RALGAPA1: variants seen among roughly 807,000 people sequenced by gnomAD.
RALGAPA1 encodes Ral GTPase activating protein catalytic subunit alpha 1, also known as ral GTPase-activating protein subunit alpha-1.
A neutral mutation model predicts 269.6 loss-of-function variants in RALGAPA1; 52 were observed. That is an observed-to-expected ratio of 0.19 (90% CI 0.15 to 0.24). The LOEUF is 0.24. Among genes scored for constraint, RALGAPA1 ranks in the 10% least tolerant of loss-of-function variants. The probability of loss-of-function intolerance (pLI) is 1.00; values close to 1 mark genes in which losing one functional copy is unlikely to be tolerated. For synonymous variants in RALGAPA1, 817 were observed against 1,008.3 expected (o/e 0.81, Z 3.60); for missense variants, 1,917 against 3,013.9 (o/e 0.64, Z 8.52).
chr14:35,653,687 T>C (rs1390159993), intron 30 of RALGAPA1, among the ~76,000 whole-genome samples: 5 of 151,572 alleles, frequency 3.3e-5, no homozygotes, highest in African/African-American at 9.7e-5. Flanking sequence ...GTAAGAGCCA[T>C]GTAAATGTGA....
At chr14:35,711,097 ATC>A (rs1380354207) in intron 16 of RALGAPA1, among the ~76,000 whole-genome samples, 1 of 152,190 alleles carries the variant, frequency 6.6e-6, no homozygotes, top group Non-Finnish European at 1.5e-5. Flanking sequence ...TTCATTTTTA[ATC>A]TGTCTAATCT....
intron 7 of RALGAPA1, among the ~76,000 whole-genome samples, chr14:35,756,032 T>C (rs1171712345): frequency 1.3e-5 from 2 of 152,220 alleles, no homozygotes; most frequent in African/African-American, 2.4e-5. Flanking sequence ...ACATTTCTCC[T>C]AATCATTATC....
chr14:35,602,615 C>G (rs146221644), intron 36 of RALGAPA1, among the ~76,000 whole-genome samples: 1 of 152,024 alleles, frequency 6.6e-6, no homozygotes, highest in African/African-American at 2.4e-5. Context: ...TCTTTTCTGG[C>G]GAAATGTCTA....
chr14:35,712,235 T>A (rs549415199), intron 16 of RALGAPA1, among the ~76,000 whole-genome samples: 1 of 139,284 alleles, frequency 7.2e-6, no homozygotes, highest in South Asian at 2.2e-4. Context: ...TGACAGAGCA[T>A]GTCTCAAAAA....
At chr14:35,638,895 C>T (rs55768182) in intron 31 of RALGAPA1, among the ~76,000 whole-genome samples, 2,672 of 151,702 alleles carry the variant, frequency 0.018, 81 homozygotes, top group African/African-American at 0.061. Context: ...CGCTGCACTC[C>T]AGCCTGGGTG....
intron 5 of RALGAPA1, among the ~76,000 whole-genome samples, chr14:35,761,381 G>C (rs1159038979): frequency 6.6e-6 from 1 of 152,090 alleles, no homozygotes; most frequent in Non-Finnish European, 1.5e-5. Flanking sequence ...TTAGTGGTGA[G>C]AATGAGTTTG....
chr14:35,706,431 G>A (rs1277297701), intron 16 of RALGAPA1, among the ~76,000 whole-genome samples: 1 of 152,116 alleles, frequency 6.6e-6, no homozygotes, highest in Admixed American at 6.6e-5. Flanking sequence ...TGAAAGATCA[G>A]TGGACTCTAG....
chr14:35,800,611 C>A (rs993469781), intron 1 of RALGAPA1, among the ~76,000 whole-genome samples: 1 of 152,108 alleles, frequency 6.6e-6, no homozygotes, highest in South Asian at 2.1e-4. Context: ...TCACCAAATG[C>A]CTACAGTAGA....
intron 31 of RALGAPA1, among the ~76,000 whole-genome samples, chr14:35,645,346 G>GGTGGGTGTGTGTGTGTGT (rs1555387899): frequency 8.5e-5 from 11 of 129,560 alleles, no homozygotes; most frequent in South Asian, 8.3e-4. Flanking sequence ...TATAGAGATG[G>GGTGGGTGTGTGTGTGTGT]GTGTGTGTGT....
intron 4 of RALGAPA1, among the ~76,000 whole-genome samples, chr14:35,765,200 T>C (rs561922440): frequency 7.1e-4 from 108 of 152,332 alleles, no homozygotes; most frequent in South Asian, 2.7e-3. Context: ...TGTCCATCCC[T>C]ACATCAGTAA....
chr14:35,584,295 A>T (rs2058135692), intron 37 of RALGAPA1, among the ~76,000 whole-genome samples: 1 of 152,086 alleles, frequency 6.6e-6, no homozygotes, highest in South Asian at 2.1e-4. Context: ...GACAGATCTC[A>T]CTTTGTCACT....
At position 35,808,931 on chromosome 14, in the gene RALGAPA1, C is replaced by A. The variant is rs2142005527; in HGVS notation, c.-96G>T. ...GGGAGTGGACGGGGAGGAGACTAGCCAGAGAGGCTCATTAGCTCCCCAGCC... is the reference window on the plus strand; with the variant it reads ...GGGAGTGGACGGGGAGGAGACTAGCAAGAGAGGCTCATTAGCTCCCCAGCC... On this transcript the variant is annotated 5_prime_UTR_variant, in exon 1 of 42. Transcript: ENST00000680220. 6.6e-7 allele frequency: 1 copy of A among 1,508,846 alleles called. No homozygotes were observed. Among genetic ancestry groups the A allele is most frequent in the Non-Finnish European group, 8.8e-7 (1 of 1,130,246 alleles). 93.5% of individuals were successfully genotyped at this position (1,508,846 alleles called of 1,614,324 possible).
chr14:35,678,525 C>T (rs1207793245), intron 21 of RALGAPA1, among the ~76,000 whole-genome samples: 1 of 152,176 alleles, frequency 6.6e-6, no homozygotes, highest in Non-Finnish European at 1.5e-5. Flanking sequence ...TCCCAGCCTT[C>T]AGTCTCTCCC....
Position 35,654,347 on chromosome 14 carries a change from A to G in RALGAPA1, c.5607+20T>C. The G allele has an allele frequency of 6.4e-7, 1 of 1,568,880 alleles. No individual in the cohort carries two copies. Among genetic ancestry groups the G allele is most frequent in the Non-Finnish European group, 8.6e-7 (1 of 1,164,802 alleles). ...AAAAAATTTAACAAGGTCATAATAA[A>G]TAAATGAGAAATTACTTACTTGAAT... On this transcript the variant is annotated intron_variant, in intron 30 of 41. Transcript: ENST00000680220.
intron 22 of RALGAPA1, among the ~76,000 whole-genome samples, chr14:35,675,228 T>G (rs1197975302): frequency 6.6e-6 from 1 of 152,122 alleles, no homozygotes; most frequent in East Asian, 1.9e-4. Flanking sequence ...CAGGCTGGAG[T>G]GCAATGGCGT....
chr14:35,759,178 G>T (rs1259143226), intron 6 of RALGAPA1, among the ~76,000 whole-genome samples: 1 of 152,084 alleles, frequency 6.6e-6, no homozygotes, highest in Non-Finnish European at 1.5e-5. Flanking sequence ...ATTTGAACTG[G>T]TTCATTAATA....
At chr14:35,587,352 A>C (rs2058362692) in intron 37 of RALGAPA1, among the ~76,000 whole-genome samples, 2 of 152,204 alleles carry the variant, frequency 1.3e-5, no homozygotes, top group Admixed American at 1.3e-4. Context: ...CATTTGACCC[A>C]GCCATCCCAT....
Position 35,775,037 on chromosome 14 carries a change from T to C in RALGAPA1, c.236A>G (p.Glu79Gly). Residue 79 changes from glutamate to glycine, a missense_variant, in exon 3 of 42, where the codon GAG becomes GGG. By Grantham distance (98) the Glu-to-Gly change is moderately conservative. Transcript: ENST00000680220. ...LKQKGHKSQREELDAILFIFE... is the reference protein window; with the variant it reads ...LKQKGHKSQRGELDAILFIFE... Reference sequence around the variant, plus strand: ...AATAAAAAGTATAGCATCCAATTCCTCTCTTTGAGACTTGTGACCTAAAAC... The same window carrying C: ...AATAAAAAGTATAGCATCCAATTCCCCTCTTTGAGACTTGTGACCTAAAAC... 6.4e-7 allele frequency: 1 copy of C among 1,568,062 alleles called. No homozygotes were observed. Among genetic ancestry groups the C allele is most frequent in the Non-Finnish European group, 8.7e-7 (1 of 1,145,410 alleles).
chr14:35,600,228 T>TTTTC (rs1237062434), intron 36 of RALGAPA1, among the ~76,000 whole-genome samples: 72 of 108,424 alleles, frequency 6.6e-4, no homozygotes, highest in African/African-American at 3.8e-3. Context: ...CTTTTTCTTT[T>TTTTC]TTTCTTTTTT....
Sources: allele counts gnomAD v4.1 joint callset (sites outside exome capture counted in the v4.1 genomes callset), GRCh38; gene constraint gnomAD v4.1.1; transcripts MANE v1.5; gene names NCBI Gene and HGNC (gene_info 2026-07-23, HGNC 2026-07-21).